Variants in SRGAP3 observed in about 807,000 individuals in gnomAD.
SRGAP3 encodes SLIT-ROBO Rho GTPase-activating protein 3.
SRGAP3 carries 39 observed loss-of-function variants against 121.1 expected under a neutral mutation model. The observed-to-expected ratio is 0.32, with a 90% confidence interval of 0.25 to 0.42. SRGAP3 has a LOEUF of 0.42. Ranked by LOEUF, SRGAP3 falls within the 10% of genes least tolerant of loss-of-function variation. SRGAP3 has a pLI of 1.00. For missense variants in SRGAP3, 1,213 were observed against 1,470.6 expected (o/e 0.82, Z 2.86); for synonymous variants, 601 against 570.0 (o/e 1.05, Z -0.77).
chr3:9,207,773 G>A (rs1475696303), intron 1 of SRGAP3, among the ~76,000 whole-genome samples: 1 of 152,164 alleles, frequency 6.6e-6, no homozygotes, highest in Non-Finnish European at 1.5e-5. Context: ...TTCAGCAGAA[G>A]CAATTCTCCA....
At chr3:9,076,102 G>C (rs1405463103) in intron 4 of SRGAP3, among the ~76,000 whole-genome samples, 1 of 152,128 alleles carries the variant, frequency 6.6e-6, no homozygotes, top group Non-Finnish European at 1.5e-5. Context: ...TTGCACATTG[G>C]GATTTGCTCA....
In SRGAP3 at chr3:9,118,281, T is replaced by C. The variant is rs546878681; in HGVS notation, c.260+6444A>G. ...CTCCTCTTCCTCTCTCTCTCTCCCA[T>C]TCAAACATCTCAAAGTATTGGTGTT... On this transcript the variant is annotated intron_variant, in intron 2 of 21. Coordinates refer to ENST00000383836, the MANE Select transcript of SRGAP3 (RefSeq NM_014850.4). 2.8e-4 allele frequency among the ~76,000 whole-genome samples: 42 copies of C among 152,328 alleles called. No individual in the cohort carries two copies. The South Asian group carries it at 5.8e-3, about 21-fold the overall frequency.
At chr3:9,187,741 C>G (rs1951641962) in intron 1 of SRGAP3, among the ~76,000 whole-genome samples, 1 of 152,208 alleles carries the variant, frequency 6.6e-6, no homozygotes, top group Non-Finnish European at 1.5e-5. Context: ...CTTCAATCCA[C>G]CAGGGTCTTA....
intron 1 of SRGAP3, among the ~76,000 whole-genome samples, chr3:9,185,007 C>T (rs1951551755): frequency 6.6e-6 from 1 of 152,140 alleles, no homozygotes; most frequent in Admixed American, 6.6e-5. Flanking sequence ...TCCCATCCTC[C>T]CTCCCCAGAC....
intron 1 of SRGAP3, among the ~76,000 whole-genome samples, chr3:9,234,187 G>A (rs769014652): frequency 5.9e-5 from 9 of 152,106 alleles, no homozygotes; most frequent in Non-Finnish European, 1.2e-4. Flanking sequence ...CCAGAAGATC[G>A]GAGCAAGAGG....
chr3:9,273,219 A>G (rs933000799), intron 3 of SRGAP3, among the ~76,000 whole-genome samples: 3 of 152,194 alleles, frequency 2.0e-5, no homozygotes, highest in Non-Finnish European at 4.4e-5. Flanking sequence ...CTGATCTGAT[A>G]GGAGGTGGAG....
chr3:9,074,030 ATCT>A (rs987524899), intron 4 of SRGAP3, among the ~76,000 whole-genome samples: 1 of 152,060 alleles, frequency 6.6e-6, no homozygotes, highest in Non-Finnish European at 1.5e-5. Flanking sequence ...AAGTGTATGT[ATCT>A]TCTATTTCTA....
intron 3 of SRGAP3, among the ~76,000 whole-genome samples, chr3:9,292,368 G>A (rs1353261051): frequency 4.6e-5 from 7 of 152,078 alleles, no homozygotes; most frequent in South Asian, 2.1e-4. Context: ...CCTATACATC[G>A]TTCAAAACCC....
chr3:9,164,019 C>CA (rs1950694928), intron 1 of SRGAP3, among the ~76,000 whole-genome samples: 1 of 91,484 alleles, frequency 1.1e-5, no homozygotes, highest in South Asian at 3.9e-4. Context: ...TTTTTTGAGA[C>CA]AGAGTTTCAC....
chr3:9,011,195 C>T (rs1275707283), intron 17 of SRGAP3, among the ~76,000 whole-genome samples: 1 of 151,946 alleles, frequency 6.6e-6, no homozygotes, highest in Non-Finnish European at 1.5e-5. Flanking sequence ...AGTAAATAGG[C>T]CATTAAATAA....
chr3:9,337,022 C>T (rs1448780175), intron 1 of SRGAP3, among the ~76,000 whole-genome samples: 3 of 152,120 alleles, frequency 2.0e-5, no homozygotes, highest in Admixed American at 6.6e-5. Flanking sequence ...ATGAGTCTGG[C>T]TGGCTGACAA....
chr3:9,361,293 C>CA (rs1285335074), intron 1 of SRGAP3, among the ~76,000 whole-genome samples: 1 of 151,992 alleles, frequency 6.6e-6, no homozygotes, highest in Non-Finnish European at 1.5e-5. Context: ...TTTGTAGCGA[C>CA]AGAGTTTTGC....
At chr3:9,098,297 G>A (rs1948071741) in intron 3 of SRGAP3, among the ~76,000 whole-genome samples, 1 of 150,516 alleles carries the variant, frequency 6.6e-6, no homozygotes, top group African/African-American at 2.4e-5. Context: ...TAATTTTTTT[G>A]AGACAAGGTC....
At chr3:9,169,849 A>G (rs1490183028) in intron 1 of SRGAP3, among the ~76,000 whole-genome samples, 1 of 152,090 alleles carries the variant, frequency 6.6e-6, no homozygotes, top group Non-Finnish European at 1.5e-5. Flanking sequence ...GTTAGGGGGG[A>G]AAAGCCTTGG....
intron 3 of SRGAP3, among the ~76,000 whole-genome samples, chr3:9,316,184 GA>G (rs1574998210): frequency 6.6e-6 from 1 of 152,116 alleles, no homozygotes; most frequent in East Asian, 1.9e-4. Context: ...AAGTTGCTGG[GA>G]TAACAGGCAC....
intron 1 of SRGAP3, among the ~76,000 whole-genome samples, chr3:9,198,481 C>A (rs1951975766): frequency 6.6e-6 from 1 of 152,208 alleles, no homozygotes; most frequent in African/African-American, 2.4e-5. Context: ...CCTGGACTTA[C>A]AATCTACCTA....
In SRGAP3 at chr3:9,321,638, A is replaced by C. The variant is rs1955439932; in HGVS notation, n.442+4372T>G. On this transcript the variant is annotated intron_variant and non_coding_transcript_variant, in intron 3 of 3. Transcript: ENST00000490889. The stretch of plus-strand genomic sequence containing the variant: ...CCAGATAAAAATGTTCAAAGATACT[A>C]TGCAGCCACGAAAAAGAATCAGATC... Among the ~76,000 whole-genome samples, 2 of 151,936 alleles carry C rather than the reference A, an allele frequency of 1.3e-5. 1 individual carries two copies. The highest frequency in any genetic ancestry group is 2.9e-5 in the Non-Finnish European group (2 of 68,012).
chr3:9,141,039 TC>T (rs1359557555), intron 1 of SRGAP3, among the ~76,000 whole-genome samples: 1 of 152,218 alleles, frequency 6.6e-6, no homozygotes, highest in Non-Finnish European at 1.5e-5. Flanking sequence ...ATATCCAGAT[TC>T]ATTTTTTCAT....
chr3:8,991,983 A>C (rs973611848), intron 20 of SRGAP3, among the ~76,000 whole-genome samples: 1 of 152,230 alleles, frequency 6.6e-6, no homozygotes. Flanking sequence ...GGGGACCATA[A>C]CTTCTTTGTC....
Sources: allele counts gnomAD v4.1 joint callset (sites outside exome capture counted in the v4.1 genomes callset), GRCh38; gene constraint gnomAD v4.1.1; transcripts MANE v1.5; gene names NCBI Gene and HGNC (gene_info 2026-07-23, HGNC 2026-07-21).